The following MLKL variants were observed in gnomAD, a reference collection of about 807,000 sequenced individuals.
The protein encoded by MLKL is mixed lineage kinase domain-like protein.
In MLKL, 55 loss-of-function variants were observed where a neutral mutation model predicts 56.5. That is an observed-to-expected ratio of 0.97 (90% confidence interval 0.78 to 1.22). MLKL has a LOEUF of 1.22. Among genes scored for constraint, MLKL ranks in the 50% most tolerant of loss-of-function variants. The pLI is 0.00. For missense variants in MLKL, 694 were observed against 573.9 expected (o/e 1.21, Z -2.14); for synonymous variants, 251 against 208.3 (o/e 1.20, Z -1.76).
chr16:74,681,614 AAACCCCGTCTCT>A (rs1415706150), intron 6 of MLKL, among the ~76,000 whole-genome samples: 1 of 151,864 alleles, frequency 6.6e-6, no homozygotes, highest in African/African-American at 2.4e-5. Context: ...TAACATGGTG[AAACCCCGTCTCT>A]AATAAAAATA....
At chr16:74,679,005 A>C in intron 6 of MLKL, 25 bp from the exon 7 acceptor site, 1 of 1,604,760 alleles carries the variant, frequency 6.2e-7, no homozygotes, top group Non-Finnish European at 8.5e-7. Flanking sequence ...GGCGGGGAGC[A>C]TAAGTACCTT....
chr16:74,694,912 G>A (rs1567619091), intron 2 of MLKL, among the ~76,000 whole-genome samples: 1 of 151,998 alleles, frequency 6.6e-6, no homozygotes, highest in Non-Finnish European at 1.5e-5. Flanking sequence ...TCGCTCTGTC[G>A]CCCAGGCTGG....
At position 74,682,672 on chromosome 16, in the gene MLKL, C is replaced by G. The variant is rs1417877222; in HGVS notation, c.935G>C (p.Gly312Ala). 1.2e-6 allele frequency: 2 copies of G among 1,613,980 alleles called. No homozygotes were observed. Among genetic ancestry groups the G allele is most frequent in the African/African-American group, 2.7e-5 (2 of 74,910 alleles). Residue 312 changes from glycine to alanine, a missense_variant, in exon 6 of 11, where the codon GGG becomes GCG. Transcript: ENST00000308807. ...TTACCGGTATAGGCCTCGGGCTGCCCCCAGGACTAGGACCATGCGCTTGCC... is the reference window on the plus strand; with the variant it reads ...TTACCGGTATAGGCCTCGGGCTGCCGCCAGGACTAGGACCATGCGCTTGCC... ...TLGKRMVLVL[G>A]AARGLYRLHH...
At chr16:74,697,605 A>G (rs1049622822) in intron 1 of MLKL, among the ~76,000 whole-genome samples, 15 of 147,064 alleles carry the variant, frequency 1.0e-4, no homozygotes, top group African/African-American at 3.8e-4. Context: ...TGGGAGGTAG[A>G]GGTGGGAAGA....
chr16:74,679,077 A>G (rs1959781663), intron 6 of MLKL, 97 bp from the exon 7 acceptor site: 2 of 911,038 alleles, frequency 2.2e-6, no homozygotes, highest in South Asian at 2.8e-5. Flanking sequence ...GGACAGTACC[A>G]TGGGTGCCTG....
chr16:74,691,059 T>G (rs1960639917), intron 4 of MLKL, among the ~76,000 whole-genome samples: 2 of 151,900 alleles, frequency 1.3e-5, no homozygotes, highest in Admixed American at 6.6e-5. Context: ...AGTTGTTTTT[T>G]TTTTTTAAAT....
At chr16:74,699,419 G>C (rs1325609298) in intron 1 of MLKL, among the ~76,000 whole-genome samples, 1 of 152,088 alleles carries the variant, frequency 6.6e-6, no homozygotes, top group East Asian at 1.9e-4. Flanking sequence ...ATTAAAAACT[G>C]CAAAATATTG....
chr16:74,682,567 C>T (rs1960043913), intron 6 of MLKL, 84 bp downstream of exon 6: 2 of 1,554,664 alleles, frequency 1.3e-6, no homozygotes, highest in Non-Finnish European at 8.7e-7. Context: ...GGGCGTCTGG[C>T]CTGTTCTCTC....
chr16:74,675,764 G>A lies in MLKL; in HGVS notation c.1039C>T (p.Leu347Phe), dbSNP rs373659058. The A allele has an allele frequency of 2.5e-6, 4 of 1,613,702 alleles. No individual in the cohort carries two copies. Among genetic ancestry groups the A allele is most frequent in the African/African-American group, 2.7e-5 (2 of 74,998 alleles). Residue 347 changes from leucine to phenylalanine, a missense_variant and splice_region_variant, in exon 8 of 11, where the codon CTT becomes TTT. Transcript: ENST00000308807. ...GTTTTCCTCAACTCAAATCCTGCAA[G>A]CTAGATAGAGAGGCAACTTAGAAAG... is the stretch of plus-strand genomic sequence containing the variant. ...FLVTQGYQVK[L>F]AGFELRKTQT...
rs1460586936 is a variant in MLKL, at chr16:74,695,534, T to A, written c.224A>T (p.Glu75Val). 6.2e-7 allele frequency: 1 copy of A among 1,614,198 alleles called. No homozygotes were observed. Among genetic ancestry groups the A allele is most frequent in the Non-Finnish European group, 8.5e-7 (1 of 1,180,044 alleles). ...GGATCTATTGCTGAACTTTTCTATC[T>A]CCCCATTAGCCTCCTCCAGGGCAGC... ...FKAALEEANGEIEKFSNRSNI... is the reference protein window; with the variant it reads ...FKAALEEANGVIEKFSNRSNI... Residue 75 changes from glutamate (E) to valine (V), a missense_variant, in exon 2 of 11, where the codon GAG becomes GTG. Glu to Val is a moderately radical substitution (Grantham distance 121, BLOSUM62 -2). Transcript: ENST00000308807.
chr16:74,696,954 C>CAT (rs536725623), intron 1 of MLKL, among the ~76,000 whole-genome samples: 1 of 138,148 alleles, frequency 7.2e-6, no homozygotes, highest in Non-Finnish European at 1.5e-5. Flanking sequence ...TATAATATTA[C>CAT]ATATATATAG....
At chr16:74,682,867 G>C in intron 5 of MLKL, 81 bp from the exon 6 acceptor site, 1 of 1,521,764 alleles carries the variant, frequency 6.6e-7, no homozygotes, top group Non-Finnish European at 8.9e-7. Flanking sequence ...TCCCAGCCTC[G>C]GTACAGATAC....
chr16:74,700,180 A>G (rs1961302287), intron 1 of MLKL, among the ~76,000 whole-genome samples: 1 of 151,922 alleles, frequency 6.6e-6, no homozygotes, highest in Non-Finnish European at 1.5e-5. Flanking sequence ...AAACCTGAAG[A>G]CTTCCTTTTT....
At chr16:74,686,720 C>A (rs1414663747) in intron 4 of MLKL, among the ~76,000 whole-genome samples, 1 of 152,218 alleles carries the variant, frequency 6.6e-6, no homozygotes, top group Non-Finnish European at 1.5e-5. Flanking sequence ...CCAATCTGTT[C>A]ATTCACTCTG....
intron 1 of MLKL, among the ~76,000 whole-genome samples, chr16:74,697,579 C>T (rs932165205): frequency 1.3e-5 from 2 of 152,080 alleles, no homozygotes; most frequent in Non-Finnish European, 2.9e-5. Context: ...AGTTCATACC[C>T]GTAATCCCAA....
chr16:74,684,726 C>T (rs1409321767), intron 5 of MLKL, among the ~76,000 whole-genome samples: 1 of 152,022 alleles, frequency 6.6e-6, no homozygotes, highest in Non-Finnish European at 1.5e-5. Context: ...AAGCTCCTGA[C>T]CTTGTGATCC....
rs780422556 is a variant in MLKL at position 74,675,395 on chromosome 16, G to T, written c.1200C>A (p.Ile400=). 5.6e-6 allele frequency: 9 copies of T among 1,613,750 alleles called. No homozygotes were observed. The highest frequency in any genetic ancestry group is 5.0e-5 in the Admixed American group (3 of 59,994). ...DVKSEIYSFG[I]VLWEIATGDI... ...CTCCAGTGGCGATTTCCCAGAGGAC[G>T]ATTCCAAAGCTAAAAGAAAACCAAG... is the stretch of plus-strand genomic sequence containing the variant. The change falls in exon 9 of 11, where the codon ATC becomes ATA. Residue 400 remains isoleucine (I), a synonymous_variant. Transcript: ENST00000308807.
chr16:74,688,336 A>T (rs777090569), intron 4 of MLKL, among the ~76,000 whole-genome samples: 1 of 152,220 alleles, frequency 6.6e-6, no homozygotes, highest in Non-Finnish European at 1.5e-5. Context: ...ATGAAGTTGA[A>T]TGACTACCTT....
intron 7 of MLKL, among the ~76,000 whole-genome samples, chr16:74,678,644 G>A (rs188835228): frequency 6.6e-6 from 1 of 152,164 alleles, no homozygotes; most frequent in Non-Finnish European, 1.5e-5. Flanking sequence ...TTAGTCAGGA[G>A]TGGTGGTGCA....
Sources: gnomAD v4.1 joint callset for allele counts (sites outside exome capture counted in the v4.1 genomes callset) on GRCh38, gnomAD v4.1.1 for gene constraint, MANE v1.5 for transcripts, NCBI Gene and HGNC (gene_info 2026-07-23, HGNC 2026-07-21) for gene names.